The following AGBL1 variants were observed in gnomAD, a reference collection of about 807,000 sequenced individuals.
AGBL1 encodes AGBL carboxypeptidase 1, also known as cytosolic carboxypeptidase 4.
AGBL1 carries 130 observed loss-of-function variants against 118.9 expected under a neutral mutation model. The observed-to-expected ratio is 1.09, with a 90% CI of 0.95 to 1.26. The LOEUF is 1.26. AGBL1 is among the 50% of genes most tolerant of loss of function. The pLI is 0.00. For missense variants in AGBL1, 1,584 were observed against 1,298.1 expected, an observed-to-expected ratio of 1.22 and a Z score of -3.38; for synonymous variants, 555 against 478.9, an observed-to-expected ratio of 1.16 and a Z score of -2.08.
At chr15:87,003,977 C>G (rs1315903516) in intron 24 of AGBL1, among the ~76,000 whole-genome samples, 2 of 152,090 alleles carry the variant, frequency 1.3e-5, no homozygotes, top group South Asian at 4.1e-4. Flanking sequence ...CAGTTCTGCT[C>G]TGATCTTAGT....
chr15:86,886,328 C>T lies in AGBL1; in HGVS notation c.3159-20759C>T, dbSNP rs145766244. Among the ~76,000 whole-genome samples the T allele has an allele frequency of 5.5e-4, 83 of 152,264 alleles. 1 individual carries two copies. The East Asian group carries it at 9.1e-3, about 17-fold the overall frequency. On this transcript the variant is annotated intron_variant, in intron 22 of 22. Coordinates refer to ENST00000614907, the MANE Select transcript of AGBL1 (RefSeq NM_001386094.1). ...AGTTATTTTGGGAAGAAATGGCCCA[C>T]GTTAGCACTATCACTTTTGCAGTTT...
At chr15:86,379,038 G>A (rs148053730) in intron 17 of AGBL1, among the ~76,000 whole-genome samples, 6,184 of 151,472 alleles carry the variant, frequency 0.041, 397 homozygotes, top group African/African-American at 0.14. Flanking sequence ...TCAGCCTCCC[G>A]AGTGGCTGGG....
At chr15:86,762,993 A>G (rs2078047842) in intron 22 of AGBL1, among the ~76,000 whole-genome samples, 2 of 152,042 alleles carry the variant, frequency 1.3e-5, no homozygotes, top group Admixed American at 6.6e-5. Context: ...TCCAATGTCT[A>G]TCACACACAA....
intron 18 of AGBL1, among the ~76,000 whole-genome samples, chr15:86,417,637 G>C (rs879667377): frequency 2.0e-5 from 3 of 152,154 alleles, no homozygotes; most frequent in Non-Finnish European, 4.4e-5. Context: ...ATTTGGTCCT[G>C]AGGTCTGGGA....
chr15:86,221,940 T>TC (rs1282345853), intron 5 of AGBL1, among the ~76,000 whole-genome samples: 1 of 152,148 alleles, frequency 6.6e-6, no homozygotes, highest in Non-Finnish European at 1.5e-5. Context: ...AAAATTGACT[T>TC]CACAATGCAC....
intron 23 of AGBL1, among the ~76,000 whole-genome samples, chr15:86,930,997 A>G (rs1359112216): frequency 6.6e-6 from 1 of 152,186 alleles, no homozygotes; most frequent in African/African-American, 2.4e-5. Flanking sequence ...ATCTGCTGGC[A>G]TGTAGACCTC....
chr15:86,285,822 T>A (rs1982942), intron 16 of AGBL1, among the ~76,000 whole-genome samples: 16 of 152,090 alleles, frequency 1.1e-4, no homozygotes, highest in Non-Finnish European at 1.6e-4. Flanking sequence ...CGTCCAACAT[T>A]TGCTGCTTGG....
chr15:86,858,873 C>A (rs557469597), intron 22 of AGBL1, among the ~76,000 whole-genome samples: 1 of 152,144 alleles, frequency 6.6e-6, no homozygotes, highest in Non-Finnish European at 1.5e-5. Context: ...TCTTATCAGG[C>A]CTTCTTCTCA....
At chr15:86,388,265 G>A (rs1272727286) in intron 17 of AGBL1, among the ~76,000 whole-genome samples, 3 of 151,980 alleles carry the variant, frequency 2.0e-5, no homozygotes, top group Non-Finnish European at 4.4e-5. Context: ...ACCCAACTTT[G>A]GACCACTTTT....
chr15:86,967,500 G>A (rs1231853635), intron 23 of AGBL1, among the ~76,000 whole-genome samples: 1 of 152,064 alleles, frequency 6.6e-6, no homozygotes, highest in African/African-American at 2.4e-5. Flanking sequence ...ATTAATTTTT[G>A]TATAAGGTGT....
At chr15:86,797,062 C>T (rs775834782) in intron 22 of AGBL1, among the ~76,000 whole-genome samples, 2 of 152,220 alleles carry the variant, frequency 1.3e-5, no homozygotes, top group Non-Finnish European at 2.9e-5. Flanking sequence ...CACTTAACTA[C>T]TCTGAGTTTC....
intron 23 of AGBL1, among the ~76,000 whole-genome samples, chr15:86,947,181 C>T (rs899204979): frequency 2.0e-5 from 3 of 152,156 alleles, no homozygotes; most frequent in African/African-American, 7.2e-5. Context: ...ATAATGAAAG[C>T]TGCCCGGCTC....
intron 1 of AGBL1, among the ~76,000 whole-genome samples, chr15:86,136,415 C>T (rs1457064528): frequency 6.6e-6 from 1 of 152,146 alleles, no homozygotes; most frequent in Non-Finnish European, 1.5e-5. Flanking sequence ...TGGTGGGGCA[C>T]CAATCATGTT....
intron 1 of AGBL1, among the ~76,000 whole-genome samples, chr15:86,085,695 T>G (rs1056808693): frequency 1.3e-5 from 2 of 152,184 alleles, no homozygotes; most frequent in Non-Finnish European, 2.9e-5. Flanking sequence ...CCTGAGCCTC[T>G]CTCTAACCCT....
chr15:86,244,141 G>A (rs952740073), intron 6 of AGBL1, among the ~76,000 whole-genome samples: 1 of 151,392 alleles, frequency 6.6e-6, no homozygotes, highest in Non-Finnish European at 1.5e-5. Context: ...AAAAAATTAA[G>A]CAACATAAAA....
At chr15:86,322,887 T>G (rs1392072907) in intron 17 of AGBL1, among the ~76,000 whole-genome samples, 3 of 152,226 alleles carry the variant, frequency 2.0e-5, no homozygotes, top group African/African-American at 7.2e-5. Flanking sequence ...GCAAAAGTGT[T>G]TTGTTTCTGG....
chr15:86,161,692 C>T (rs1164480127), intron 5 of AGBL1, among the ~76,000 whole-genome samples: 1 of 152,186 alleles, frequency 6.6e-6, no homozygotes, highest in Non-Finnish European at 1.5e-5. Flanking sequence ...GCTATTTCCT[C>T]TCAAAGGCTA....
At chr15:86,753,905 T>A (rs1037184842) in intron 22 of AGBL1, among the ~76,000 whole-genome samples, 3 of 152,130 alleles carry the variant, frequency 2.0e-5, no homozygotes, top group Non-Finnish European at 2.9e-5. Context: ...TCTCTAGAGC[T>A]AGGCATCAGT....
chr15:86,766,610 A>G (rs2078100524), intron 22 of AGBL1, among the ~76,000 whole-genome samples: 1 of 151,870 alleles, frequency 6.6e-6, no homozygotes. Context: ...AGTGATTTTT[A>G]TTTCAGTGCC....
Sources: gnomAD v4.1 joint callset for allele counts (sites outside exome capture counted in the v4.1 genomes callset) on GRCh38, gnomAD v4.1.1 for gene constraint, MANE v1.5 for transcripts, NCBI Gene and HGNC (gene_info 2026-07-23, HGNC 2026-07-21) for gene names.